Variants in IKZF3 observed in about 807,000 individuals in gnomAD.
IKZF3 encodes zinc finger protein Aiolos.
In IKZF3, 10 loss-of-function variants were observed where a neutral mutation model predicts 49.0. The ratio of observed to expected loss-of-function variants is 0.20; its 90% CI spans 0.13 to 0.35. The LOEUF is 0.35. Ranked by LOEUF, IKZF3 falls within the 10% of genes least tolerant of loss-of-function variation. IKZF3 has a pLI of 1.00. For synonymous variants in IKZF3, 209 were observed against 228.2 expected (o/e 0.92, Z 0.76); for missense variants, 498 against 664.8 (o/e 0.75, Z 2.76).
chr17:39,795,990 C>T lies in IKZF3; in HGVS notation c.164-3057G>A, dbSNP rs150658522. Among the ~76,000 whole-genome samples the T allele has an allele frequency of 4.3e-3, 659 of 151,698 alleles. 5 individuals are homozygous for T. The highest frequency in any genetic ancestry group is 6.8e-3 in the Non-Finnish European group (459 of 67,896). On this transcript the variant is annotated intron_variant, in intron 3 of 7. Coordinates refer to ENST00000346872, the MANE Select transcript of IKZF3 (RefSeq NM_012481.5). ...CTGGGAGGTGGAGGTTGCAGTGACCCGAGATCGTACCACTGCACTCCAGCC... is the reference window on the plus strand; with the variant it reads ...CTGGGAGGTGGAGGTTGCAGTGACCTGAGATCGTACCACTGCACTCCAGCC...
intron 1 of IKZF3, among the ~76,000 whole-genome samples, chr17:39,850,370 T>C (rs184960571): frequency 1.8e-3 from 219 of 120,428 alleles, no homozygotes; most frequent in African/African-American, 6.0e-3. Flanking sequence ...GCATATTATA[T>C]ATGTATATAT....
chr17:39,780,112 G>A (rs1028147917), intron 6 of IKZF3, among the ~76,000 whole-genome samples: 1 of 152,070 alleles, frequency 6.6e-6, no homozygotes, highest in African/African-American at 2.4e-5. Flanking sequence ...ACTGAGGTGG[G>A]AGGGTTCCTT....
At chr17:39,833,465 T>C (rs987459657) in intron 1 of IKZF3, among the ~76,000 whole-genome samples, 2 of 152,166 alleles carry the variant, frequency 1.3e-5, no homozygotes, top group African/African-American at 2.4e-5. Flanking sequence ...TTTTCCACCA[T>C]AGATTAGTTT....
intron 1 of IKZF3, among the ~76,000 whole-genome samples, chr17:39,843,808 T>TA (rs79751726): frequency 1.3e-3 from 173 of 132,834 alleles, no homozygotes; most frequent in Middle Eastern, 3.6e-3. Context: ...CTCCGTCTTT[T>TA]AAAAAAAAAA....
chr17:39,816,446 C>T (rs562694457), intron 3 of IKZF3, among the ~76,000 whole-genome samples: 120 of 152,256 alleles, frequency 7.9e-4, no homozygotes, highest in African/African-American at 2.8e-3. Context: ...CAACCCACTG[C>T]CTATTTTTGT....
intron 3 of IKZF3, among the ~76,000 whole-genome samples, chr17:39,812,071 A>C (rs1050445610): frequency 1.3e-5 from 2 of 152,244 alleles, no homozygotes; most frequent in African/African-American, 2.4e-5. Flanking sequence ...TTTAAACTTC[A>C]CTGTCATTGC....
intron 1 of IKZF3, among the ~76,000 whole-genome samples, chr17:39,854,051 G>A (rs2062965535): frequency 1.3e-5 from 2 of 152,242 alleles, no homozygotes; most frequent in South Asian, 4.1e-4. Flanking sequence ...ACTTGAACCT[G>A]GGAGGCGGAG....
chr17:39,763,791 T>C lies in IKZF3; in HGVS notation c.*1999A>G, dbSNP rs953974077. Reference sequence around the variant, plus strand: ...AAGCTAGAAGGGACCTAAGAGAACATTGAAATCTAATTCCTATTTTATGGA... The same window carrying C: ...AAGCTAGAAGGGACCTAAGAGAACACTGAAATCTAATTCCTATTTTATGGA... On this transcript the variant is annotated 3_prime_UTR_variant, in exon 8 of 8. Transcript: ENST00000346872. 2.0e-5 allele frequency: 3 copies of C among 152,208 alleles called. No homozygotes were observed. The highest frequency in any genetic ancestry group is 7.2e-5 in the African/African-American group (3 of 41,454). 9.4% of individuals were successfully genotyped at this position (152,208 alleles called of 1,614,324 possible).
At chr17:39,792,406 G>T (rs2061047679) in intron 4 of IKZF3, among the ~76,000 whole-genome samples, 1 of 152,170 alleles carries the variant, frequency 6.6e-6, no homozygotes, top group Non-Finnish European at 1.5e-5. Flanking sequence ...CTCCTACTTA[G>T]AAACTGAAGA....
At chr17:39,799,405 A>G (rs1375236544) in intron 3 of IKZF3, among the ~76,000 whole-genome samples, 1 of 152,228 alleles carries the variant, frequency 6.6e-6, no homozygotes, top group South Asian at 2.1e-4. Flanking sequence ...TGCTTATAGA[A>G]TAAAGTCCAA....
chr17:39,797,167 GA>G lies in IKZF3; in HGVS notation c.164-4235del, dbSNP rs753833061. On this transcript the variant is annotated intron_variant, in intron 3 of 7. Transcript: ENST00000346872. The stretch of plus-strand genomic sequence containing the variant: ...GTGACAAAGTGAGACTCCGTCTCAA[GA>G]AAAAAAAAAAAAGACATAGGTAAGC... Among the ~76,000 whole-genome samples, 690 of 132,152 alleles carry G rather than the reference GA, an allele frequency of 5.2e-3. 4 individuals are homozygous for G. In the Middle Eastern group the frequency reaches 0.091, roughly 17 times the overall value. 86.7% of individuals were successfully genotyped at this position (132,152 alleles called of 152,430 possible). A position where few individuals can be genotyped will look rare whatever the true frequency, so the allele number is the denominator to read the frequency against.
rs1381868528 is a variant in IKZF3 at position 39,829,391 on chromosome 17, T to C, written c.159A>G (p.Ile53Met). The change falls in exon 3 of 8, where the codon ATA becomes ATG. Residue 53 changes from isoleucine to methionine, a missense_variant. Ile to Met is a conservative substitution (Grantham distance 10). This residue lies in a region of IKZF3 where 97 missense variants were observed against 98.9 expected (regional missense o/e 0.98). Transcript: ENST00000346872. The stretch of plus-strand genomic sequence containing the variant: ...AGTCTGCACACTACGGCTCACCTCC[T>C]ATGTCTTCATCTTCATTGGCTGGGC... ...GEGPANEDEDIGDDSMKVKDE... is the reference protein window; with the variant it reads ...GEGPANEDEDMGDDSMKVKDE... 2 of 1,610,848 alleles carry C rather than the reference T, an allele frequency of 1.2e-6. No individual in the cohort carries two copies. The highest frequency in any genetic ancestry group is 1.3e-5 in the African/African-American group (1 of 74,998).
At chr17:39,773,214 C>T (rs1002134022) in intron 7 of IKZF3, among the ~76,000 whole-genome samples, 1 of 152,192 alleles carries the variant, frequency 6.6e-6, no homozygotes, top group African/African-American at 2.4e-5. Flanking sequence ...AGGGCCTGGA[C>T]TGCAGTGCCT....
intron 1 of IKZF3, among the ~76,000 whole-genome samples, chr17:39,857,456 G>A (rs2063094006): frequency 6.6e-6 from 1 of 152,130 alleles, no homozygotes; most frequent in Admixed American, 6.5e-5. Flanking sequence ...TGAAGAAAAG[G>A]TTTATAGTGG....
chr17:39,810,273 T>C (rs766726251), intron 3 of IKZF3, among the ~76,000 whole-genome samples: 1 of 152,246 alleles, frequency 6.6e-6, no homozygotes, highest in Admixed American at 6.5e-5. Context: ...ATCTCTCTTA[T>C]ACATAGTGGA....
At chr17:39,791,639 G>A (rs1193725512) in intron 4 of IKZF3, 56 bp from the exon 5 acceptor site, 2 of 1,545,196 alleles carry the variant, frequency 1.3e-6, no homozygotes, top group Non-Finnish European at 1.8e-6. Flanking sequence ...AGAAACATAT[G>A]CACAGATTAG....
At chr17:39,812,219 G>C (rs978510759) in intron 3 of IKZF3, among the ~76,000 whole-genome samples, 1 of 152,146 alleles carries the variant, frequency 6.6e-6, no homozygotes, top group South Asian at 2.1e-4. Flanking sequence ...GTTGTGGAGA[G>C]AGCTCATGTA....
chr17:39,851,339 A>G (rs1377176217), intron 1 of IKZF3, among the ~76,000 whole-genome samples: 1 of 152,068 alleles, frequency 6.6e-6, no homozygotes, highest in Non-Finnish European at 1.5e-5. Flanking sequence ...ACCTAGGTAT[A>G]TATTCAAGAG....
intron 1 of IKZF3, among the ~76,000 whole-genome samples, chr17:39,854,302 G>T (rs549552928): frequency 7.9e-5 from 12 of 151,516 alleles, no homozygotes; most frequent in Non-Finnish European, 1.6e-4. Context: ...AAGGATGCAT[G>T]CTGCATCAAT....
Sources: allele counts gnomAD v4.1 joint callset (sites outside exome capture counted in the v4.1 genomes callset), GRCh38; gene constraint gnomAD v4.1.1; regional missense constraint gnomAD v4.1.1; transcripts MANE v1.5; gene names NCBI Gene and HGNC (gene_info 2026-07-23, HGNC 2026-07-21).